The following CHN2 variants were observed in gnomAD, a reference collection of about 807,000 sequenced individuals.
CHN2 encodes beta-chimaerin.
In CHN2, 35 loss-of-function variants were observed where a neutral mutation model predicts 56.3. The observed-to-expected ratio is 0.62, with a 90% CI of 0.47 to 0.82. The LOEUF (loss-of-function observed/expected upper bound fraction) is 0.82. CHN2 is among the 40% of genes least tolerant of loss of function. The pLI is 0.00. For missense variants in CHN2, 491 were observed against 580.5 expected (o/e 0.85, Z 1.58); for synonymous variants, 210 against 212.8 (o/e 0.99, Z 0.12).
chr7:29,385,143 C>T (rs982410409), intron 3 of CHN2, among the ~76,000 whole-genome samples: 5 of 152,082 alleles, frequency 3.3e-5, no homozygotes, highest in African/African-American at 1.2e-4. Context: ...GGTCTCTCAC[C>T]AGTACTGTTT....
intron 1 of CHN2, among the ~76,000 whole-genome samples, chr7:29,257,964 T>C (rs1562870561): frequency 6.6e-6 from 1 of 152,008 alleles, no homozygotes; most frequent in Non-Finnish European, 1.5e-5. Context: ...ATTTTTTTTT[T>C]CTAGAGATAG....
At chr7:29,462,322 G>A (rs548302957) in intron 6 of CHN2, among the ~76,000 whole-genome samples, 78 of 152,252 alleles carry the variant, frequency 5.1e-4, no homozygotes, top group African/African-American at 1.8e-3. Context: ...ATGACAAGCC[G>A]CCTCAAAGCT....
At chr7:29,367,518 C>G (rs947935476) in intron 2 of CHN2, among the ~76,000 whole-genome samples, 2 of 152,158 alleles carry the variant, frequency 1.3e-5, no homozygotes, top group Non-Finnish European at 2.9e-5. Context: ...AATGCCAGTT[C>G]TTTTCCTGGT....
intron 1 of CHN2, among the ~76,000 whole-genome samples, chr7:29,328,533 T>G (rs772783805): frequency 3.3e-5 from 5 of 152,110 alleles, no homozygotes; most frequent in Non-Finnish European, 1.5e-5. Flanking sequence ...AGAAAAAATT[T>G]TTAAATGCTA....
At chr7:29,502,377 A>G (rs539416228) in intron 9 of CHN2, among the ~76,000 whole-genome samples, 1 of 152,208 alleles carries the variant, frequency 6.6e-6, no homozygotes, top group South Asian at 2.1e-4. Flanking sequence ...ATTTCACTTA[A>G]CAGGAAGTGG....
chr7:29,433,781 A>G lies in CHN2; in HGVS notation c.576+32953A>G, dbSNP rs550176242. Among the ~76,000 whole-genome samples, 304 of 151,786 alleles carry G rather than the reference A, an allele frequency of 2.0e-3. 3 individuals are homozygous for G. The highest frequency in any genetic ancestry group is 0.011 in the South Asian group (53 of 4,782). On this transcript the variant is annotated intron_variant, in intron 6 of 12. Coordinates refer to ENST00000222792, the MANE Select transcript of CHN2 (RefSeq NM_004067.4). ...TTGAACCCAGGAGACGGAGGTTGCAATGAGCCAAGATCATGCCACTGCACT... is the reference window on the plus strand; with the variant it reads ...TTGAACCCAGGAGACGGAGGTTGCAGTGAGCCAAGATCATGCCACTGCACT...
chr7:29,416,027 C>T (rs557033633), intron 6 of CHN2, among the ~76,000 whole-genome samples: 1 of 152,122 alleles, frequency 6.6e-6, no homozygotes, highest in Non-Finnish European at 1.5e-5. Context: ...ACCCATTATT[C>T]CACGGGGTTG....
At chr7:29,378,895 G>A (rs1174990240) in intron 3 of CHN2, among the ~76,000 whole-genome samples, 4 of 152,184 alleles carry the variant, frequency 2.6e-5, no homozygotes, top group Non-Finnish European at 5.9e-5. Context: ...AACCCAGGAG[G>A]CGGAGGTTGC....
intron 10 of CHN2, among the ~76,000 whole-genome samples, chr7:29,506,120 A>T (rs953727869): frequency 2.6e-5 from 4 of 152,142 alleles, no homozygotes; most frequent in African/African-American, 9.7e-5. Flanking sequence ...CTAACGGTAA[A>T]ACTAAAAGTC....
At chr7:29,151,345 T>G (rs1793567952) in intron 2 of CHN2, among the ~76,000 whole-genome samples, 1 of 152,196 alleles carries the variant, frequency 6.6e-6, no homozygotes, top group Non-Finnish European at 1.5e-5. Flanking sequence ...CCTTTGACGA[T>G]CCAGATGGTT....
chr7:29,296,971 A>T (rs1035325940), intron 1 of CHN2, among the ~76,000 whole-genome samples: 11 of 152,182 alleles, frequency 7.2e-5, no homozygotes, highest in African/African-American at 2.4e-4. Context: ...TGCTCTGTTA[A>T]TGGCTCCTCT....
intron 6 of CHN2, among the ~76,000 whole-genome samples, chr7:29,470,085 C>T (rs1469439896): frequency 6.6e-6 from 1 of 152,228 alleles, no homozygotes; most frequent in African/African-American, 2.4e-5. Context: ...AATATTTACA[C>T]TTGTTCATTA....
chr7:29,188,422 C>T (rs1480850530), intron 2 of CHN2, among the ~76,000 whole-genome samples: 1 of 152,122 alleles, frequency 6.6e-6, no homozygotes, highest in African/African-American at 2.4e-5. Context: ...GTTTTACAGA[C>T]AATCTGGAAT....
At chr7:29,196,283 T>C (rs1783704899) in intron 1 of CHN2, among the ~76,000 whole-genome samples, 1 of 152,246 alleles carries the variant, frequency 6.6e-6, no homozygotes, top group South Asian at 2.1e-4. Flanking sequence ...ATTTACTTCC[T>C]GGGAAATGGC....
intron 2 of CHN2, among the ~76,000 whole-genome samples, chr7:29,159,278 C>T (rs919095301): frequency 5.9e-5 from 9 of 152,172 alleles, no homozygotes; most frequent in African/African-American, 1.4e-4. Context: ...GAAGAGGTCA[C>T]GTGGTTTTCC....
In CHN2 at chr7:29,448,116, A is replaced by G. The variant is rs151153464; in HGVS notation, c.577-32163A>G. ...TTCTGACTAAGCAGTTTTATATTTC[A>G]GGGATATGGCCCTTTGAGGTACAGT... is the stretch of plus-strand genomic sequence containing the variant. On this transcript the variant is annotated intron_variant, in intron 6 of 12. Transcript: ENST00000222792. 5.1e-3 allele frequency among the ~76,000 whole-genome samples: 771 copies of G among 152,316 alleles called. 2 individuals are homozygous for G. The highest frequency in any genetic ancestry group is 0.014 in the Middle Eastern group (4 of 294).
chr7:29,327,936 T>G (rs1284559561), intron 1 of CHN2, among the ~76,000 whole-genome samples: 1 of 152,222 alleles, frequency 6.6e-6, no homozygotes, highest in Admixed American at 6.5e-5. Context: ...CAAAAAAAGT[T>G]TAAAAAATCA....
At chr7:29,508,573 C>T (rs1447414559) in intron 11 of CHN2, among the ~76,000 whole-genome samples, 2 of 152,094 alleles carry the variant, frequency 1.3e-5, no homozygotes, top group African/African-American at 4.8e-5. Context: ...TAAGACTATT[C>T]CCTCCTTCCG....
At chr7:29,311,787 T>C (rs920022989) in intron 1 of CHN2, among the ~76,000 whole-genome samples, 20 of 152,354 alleles carry the variant, frequency 1.3e-4, no homozygotes, top group Admixed American at 1.2e-3. Context: ...TGAATGGCTA[T>C]TTAGGCAACG....
Sources: allele counts gnomAD v4.1 joint callset (sites outside exome capture counted in the v4.1 genomes callset), GRCh38; gene constraint gnomAD v4.1.1; transcripts MANE v1.5; gene names NCBI Gene and HGNC (gene_info 2026-07-23, HGNC 2026-07-21).